AIM2: variants seen among roughly 807,000 people sequenced by gnomAD.
AIM2 encodes the protein interferon-inducible protein AIM2.
A neutral mutation model predicts 27.7 loss-of-function variants in AIM2; 30 were observed. The observed-to-expected ratio is 1.08, with a 90% CI of 0.81 to 1.47. AIM2 has a LOEUF of 1.47. Among genes scored for constraint, AIM2 ranks in the 40% most tolerant of loss-of-function variants. AIM2 has a pLI of 0.00. For synonymous variants in AIM2, 141 were observed against 145.3 expected (o/e 0.97, Z 0.21); for missense variants, 358 against 411.3 (o/e 0.87, Z 1.12).
upstream of AIM2, chr1:159,081,450 C>T (rs913799780): frequency 9.7e-5 from 46 of 474,338 alleles, no homozygotes; most frequent in Middle Eastern, 1.5e-3. Flanking sequence ...TCTGTAGGAC[C>T]TCAGTCGTCA....
chr1:159,055,118 G>GAAAAAAT, the AIM2 span: 1 of 363,180 alleles, frequency 2.8e-6, no homozygotes, highest in Non-Finnish European at 5.0e-6. Context: ...TCTATAATTT[G>GAAAAAAT]AAAAAATAAA....
chr1:159,071,956 G>C (rs1462487147), intron 2 of AIM2, among the ~76,000 whole-genome samples: 1 of 152,052 alleles, frequency 6.6e-6, no homozygotes, highest in Non-Finnish European at 1.5e-5. Flanking sequence ...AGAATCATTA[G>C]AATAGCAAAA....
At chr1:159,084,543 G>C (rs550819260) in intron 1 of AIM2, among the ~76,000 whole-genome samples, 3 of 152,048 alleles carry the variant, frequency 2.0e-5, no homozygotes, top group African/African-American at 7.2e-5. Flanking sequence ...AGGCCAAGGC[G>C]GGGGAATCGC....
At chr1:159,114,608 G>T (rs558147360) in intron 1 of AIM2, among the ~76,000 whole-genome samples, 2 of 152,294 alleles carry the variant, frequency 1.3e-5, no homozygotes, top group African/African-American at 4.8e-5. Flanking sequence ...TACTCAGAAG[G>T]CTGAGGCACA....
intron 1 of AIM2, among the ~76,000 whole-genome samples, chr1:159,087,573 CTTTT>C (rs55908329): frequency 6.8e-5 from 8 of 116,808 alleles, no homozygotes; most frequent in Non-Finnish European, 7.7e-5. Flanking sequence ...TGGATAAAGT[CTTTT>C]TTTTTTTTTT....
At position 159,066,234 on chromosome 1, in the gene AIM2, G is replaced by C; in HGVS notation, c.492C>G (p.Pro164=). 6.2e-7 allele frequency: 1 copy of C among 1,614,160 alleles called. No individual in the cohort carries two copies. The highest frequency in any genetic ancestry group is 8.5e-7 in the Non-Finnish European group (1 of 1,180,010). The change falls in exon 4 of 6, where the codon CCC becomes CCG. Residue 164 remains proline, a synonymous_variant. Transcript: ENST00000368130. ...TGCCTTCTTGGGTCTCAAACGTGAAGGGCTTCTTTGCTTTCAGTACCATAA... is the reference window on the plus strand; with the variant it reads ...TGCCTTCTTGGGTCTCAAACGTGAACGGCTTCTTTGCTTTCAGTACCATAA... ...LPVMVLKAKK[P]FTFETQEGKQ... is the part of the protein sequence containing the mutation.
intron 4 of AIM2, among the ~76,000 whole-genome samples, chr1:159,064,169 C>T (rs1195150522): frequency 6.6e-6 from 1 of 152,138 alleles, no homozygotes; most frequent in African/African-American, 2.4e-5. Context: ...GTCAGAAGCC[C>T]TAATCCCTAC....
chr1:159,092,296 T>C (rs1426273683), intron 1 of AIM2, among the ~76,000 whole-genome samples: 4 of 152,202 alleles, frequency 2.6e-5, no homozygotes, highest in African/African-American at 9.7e-5. Context: ...TACTACATAA[T>C]ATGTAGAAGA....
intron 1 of AIM2, among the ~76,000 whole-genome samples, chr1:159,115,232 C>T (rs949355586): frequency 6.6e-6 from 1 of 152,106 alleles, no homozygotes; most frequent in Non-Finnish European, 1.5e-5. Context: ...TAGGAAGAAT[C>T]AATATCGTGA....
chr1:159,107,827 A>G (rs1657483741), intron 1 of AIM2, among the ~76,000 whole-genome samples: 1 of 152,218 alleles, frequency 6.6e-6, no homozygotes, highest in Admixed American at 6.5e-5. Context: ...ATTCCTGGAA[A>G]GATGTAACTC....
chr1:159,089,046 C>A (rs2102006968), intron 1 of AIM2, among the ~76,000 whole-genome samples: 1 of 152,312 alleles, frequency 6.6e-6, no homozygotes, highest in South Asian at 2.1e-4. Flanking sequence ...CATCTTACTT[C>A]CCTCCTTCAT....
intron 3 of AIM2, among the ~76,000 whole-genome samples, chr1:159,066,860 A>T (rs943602231): frequency 6.6e-6 from 1 of 152,188 alleles, no homozygotes; most frequent in African/African-American, 2.4e-5. Flanking sequence ...TAAGGGGGAG[A>T]CCTAGTTCAG....
intron 4 of AIM2, among the ~76,000 whole-genome samples, chr1:159,065,048 C>T (rs899151596): frequency 5.9e-5 from 9 of 152,080 alleles, no homozygotes; most frequent in Non-Finnish European, 1.2e-4. Flanking sequence ...CTTGAGTTTT[C>T]CAGGAGGACT....
chr1:159,112,877 A>G (rs1458916092), intron 1 of AIM2, among the ~76,000 whole-genome samples: 1 of 151,768 alleles, frequency 6.6e-6, no homozygotes, highest in Non-Finnish European at 1.5e-5. Context: ...AACTGCAAGA[A>G]TACTGTTTTC....
intron 1 of AIM2, among the ~76,000 whole-genome samples, chr1:159,115,619 C>G (rs989497541): frequency 6.6e-6 from 1 of 152,188 alleles, no homozygotes; most frequent in East Asian, 1.9e-4. Flanking sequence ...GCTGGGAAAA[C>G]TGGCTAGCCA....
intron 1 of AIM2, among the ~76,000 whole-genome samples, chr1:159,094,595 G>A (rs966352069): frequency 1.3e-5 from 2 of 152,210 alleles, no homozygotes; most frequent in Admixed American, 1.3e-4. Flanking sequence ...CTACTCGGGA[G>A]GCTGAAGCTG....
At chr1:159,093,829 A>G (rs1657107492) in intron 1 of AIM2, among the ~76,000 whole-genome samples, 1 of 151,322 alleles carries the variant, frequency 6.6e-6, no homozygotes, top group Non-Finnish European at 1.5e-5. Flanking sequence ...TCCACCTCCC[A>G]GGTTCAAGTG....
the AIM2 span, among the ~76,000 whole-genome samples, chr1:159,056,990 A>G: frequency 6.6e-6 from 1 of 152,176 alleles, no homozygotes; most frequent in Non-Finnish European, 1.5e-5. Context: ...AGGGGTACAG[A>G]TTGAAAATGA....
chr1:159,094,327 G>C (rs1490667948), intron 1 of AIM2, among the ~76,000 whole-genome samples: 1 of 152,178 alleles, frequency 6.6e-6, no homozygotes, highest in African/African-American at 2.4e-5. Flanking sequence ...TAGGTACATA[G>C]CTATTCATTG....
Sources: allele counts gnomAD v4.1 joint callset (sites outside exome capture counted in the v4.1 genomes callset), GRCh38; gene constraint gnomAD v4.1.1; transcripts MANE v1.5; gene names NCBI Gene and HGNC (gene_info 2026-07-23, HGNC 2026-07-21).